MUS81: variants seen among roughly 807,000 people sequenced by gnomAD.
MUS81 encodes structure-specific endonuclease subunit MUS81.
A neutral mutation model predicts 74.2 loss-of-function variants in MUS81; 69 were observed. The observed-to-expected ratio is 0.93, with a 90% CI of 0.77 to 1.14. The LOEUF (loss-of-function observed/expected upper bound fraction) is 1.14. Ranked by LOEUF, MUS81 falls within the 50% of genes most tolerant of loss-of-function variation. MUS81 has a pLI of 0.00. For missense variants in MUS81, 711 were observed against 726.5 expected (o/e 0.98, Z 0.25); for synonymous variants, 303 against 300.6 (o/e 1.01, Z -0.08).
At chr11:65,864,934 C>G in intron 12 of MUS81, 83 bp from the exon 13 acceptor site, 1 of 1,587,120 alleles carries the variant, frequency 6.3e-7, no homozygotes. Flanking sequence ...TCAGGCTGGC[C>G]CCCCAAGGCT....
chr11:65,861,304 C>T (rs1423185949), intron 2 of MUS81, 46 bp from the exon 3 acceptor site: 3 of 1,556,028 alleles, frequency 1.9e-6, no homozygotes, highest in Non-Finnish European at 2.6e-6. Context: ...ATCCTCGCAG[C>T]TGCCGGATTC....
upstream of MUS81, chr11:65,860,322 G>A (rs1320094972): frequency 4.3e-6 from 2 of 465,290 alleles, no homozygotes; most frequent in Admixed American, 2.3e-5. Context: ...CCTTAGAGCC[G>A]CCAAGCTCAG....
At position 65,866,314 on chromosome 11, in the gene MUS81, G is replaced by A. The variant is rs1284922576; in HGVS notation, c.*262G>A. Reference sequence around the variant, plus strand: ...GGAGTCAGTGGGGCATTGCAGCTTGGAATCTATTTTATGTCACCAGTTGGT... The same window carrying A: ...GGAGTCAGTGGGGCATTGCAGCTTGAAATCTATTTTATGTCACCAGTTGGT... On this transcript the variant is annotated 3_prime_UTR_variant, in exon 16 of 16. Coordinates refer to ENST00000308110, the MANE Select transcript of MUS81 (RefSeq NM_025128.5). The A allele has an allele frequency of 3.3e-6, 2 of 599,196 alleles. No homozygotes were observed. The highest frequency in any genetic ancestry group is 5.9e-6 in the Non-Finnish European group (2 of 339,740). 37.1% of individuals were successfully genotyped at this position (599,196 alleles called of 1,614,324 possible).
rs370018326 is a variant in MUS81, at chr11:65,865,880, T to C, written c.1575T>C (p.Cys525=). Residue 525 remains cysteine (C), a synonymous_variant, in exon 15 of 16, where the codon TGT becomes TGC. Transcript: ENST00000308110. ...AGACACTGCTGAGCACCATTAAGTG[T>C]GGGCGTCTACAGAGGTGAGGGCAAG... ...EQETLLSTIK[C]GRLQRNLGPA... The C allele has an allele frequency of 1.4e-5, 22 of 1,614,078 alleles. No individual in the cohort carries two copies. In the African/African-American group the frequency reaches 2.9e-4, roughly 22 times the overall value.
intron 6 of MUS81, 99 bp downstream of exon 6, chr11:65,862,628 G>GA: frequency 9.3e-7 from 1 of 1,080,460 alleles, no homozygotes; most frequent in Non-Finnish European, 1.3e-6. Flanking sequence ...TGTTGAGATT[G>GA]GGGGGGGTGG....
chr11:65,860,563 T>A lies in MUS81; in HGVS notation c.-191T>A. 1 of 695,548 alleles carries A rather than the reference T, an allele frequency of 1.4e-6. No individual in the cohort carries two copies. Among genetic ancestry groups the A allele is most frequent in the Non-Finnish European group, 2.4e-6 (1 of 412,108 alleles). The allele number at this position is 695,548 out of a possible 1,614,324, so 43.1% of individuals were successfully genotyped here. A position where few individuals can be genotyped will look rare whatever the true frequency, so the allele number is the denominator to read the frequency against. ...CCAACCACTTAGAGCAGCGCAGGGG[T>A]GGGAGGGCGGCCGCAGGCTCTCCTC... is the stretch of plus-strand genomic sequence containing the variant. On this transcript the variant is annotated 5_prime_UTR_variant, in exon 1 of 16. Coordinates refer to ENST00000308110, the MANE Select transcript of MUS81 (RefSeq NM_025128.5).
At position 65,860,900 on chromosome 11, in the gene MUS81, C is replaced by G; in HGVS notation, c.135+12C>G. The G allele has an allele frequency of 6.3e-7, 1 of 1,599,906 alleles. No individual in the cohort carries two copies. Among genetic ancestry groups the G allele is most frequent in the Non-Finnish European group, 8.5e-7 (1 of 1,174,750 alleles). On this transcript the variant is annotated intron_variant, in intron 1 of 15. Coordinates refer to ENST00000308110, the MANE Select transcript of MUS81 (RefSeq NM_025128.5). ...TCGTATTTCAGAAGGTGGGTCCTGGCGTGGCCCGATGGGAAAAGCTGCTGG... is the reference window on the plus strand; with the variant it reads ...TCGTATTTCAGAAGGTGGGTCCTGGGGTGGCCCGATGGGAAAAGCTGCTGG...
downstream of MUS81, chr11:65,866,834 CCCTT>C: frequency 6.5e-7 from 1 of 1,548,878 alleles, no homozygotes; most frequent in Non-Finnish European, 8.9e-7. Flanking sequence ...CTTTCTTTCT[CCCTT>C]TATTGCCTTT....
At position 65,865,738 on chromosome 11, in the gene MUS81, T is replaced by A. The variant is rs1210772529; in HGVS notation, c.1506-73T>A. ...CTCTTCCATCCCATGCTGACCCCTC[T>A]GCCTGGCCCCTCATGGTGCTGGCCC... On this transcript the variant is annotated intron_variant, in intron 14 of 15. Transcript: ENST00000308110. 11 of 1,469,772 alleles carry A rather than the reference T, an allele frequency of 7.5e-6. No homozygotes were observed. In the East Asian group the frequency reaches 2.5e-4, roughly 33 times the overall value. 91.0% of individuals were successfully genotyped at this position (1,469,772 alleles called of 1,614,324 possible).
intron 6 of MUS81, 98 bp downstream of exon 6, chr11:65,862,627 TG>T (rs3216088): frequency 2.8e-6 from 3 of 1,066,370 alleles, no homozygotes; most frequent in Middle Eastern, 2.0e-4. Context: ...CTGTTGAGAT[TG>T]GGGGGGGTGG....
upstream of MUS81, chr11:65,860,060 A>C: frequency 3.6e-6 from 1 of 278,602 alleles, no homozygotes; most frequent in Admixed American, 3.8e-5. Context: ...CACGTCCCCG[A>C]CTTCCTCTCC....
At position 65,862,411 on chromosome 11, in the gene MUS81, G is replaced by C. The variant is rs1859641802; in HGVS notation, c.520-33G>C. On this transcript the variant is annotated intron_variant, in intron 5 of 15. Transcript: ENST00000308110. ...GAACATGGACTTGTGGTGGTACCAG[G>C]TGCTCTCTGAGGGTCTCTTTTCTGA... 2 of 1,601,478 alleles carry C rather than the reference G, an allele frequency of 1.2e-6. 1 individual carries two copies. Among genetic ancestry groups the C allele is most frequent in the Middle Eastern group, 3.3e-4 (2 of 6,028 alleles).
chr11:65,859,725 T>C (rs1859507394), upstream of MUS81, among the ~76,000 whole-genome samples: 2 of 152,220 alleles, frequency 1.3e-5, no homozygotes, highest in South Asian at 4.1e-4. Context: ...GGGTGCTGCT[T>C]CAAACCCTGG....
Position 65,860,713 on chromosome 11 carries a change from T to C in MUS81, c.-41T>C. On this transcript the variant is annotated 5_prime_UTR_variant, in exon 1 of 16. Transcript: ENST00000308110. ...GACTCCAGAACTGGCGGCGTCCCAG[T>C]CCCGCGGGCGTGGAGCGCCGGAGGA... 2 of 1,532,570 alleles carry C rather than the reference T, an allele frequency of 1.3e-6. No homozygotes were observed. The highest frequency in any genetic ancestry group is 1.2e-5 in the South Asian group (1 of 83,904). 94.9% of individuals were successfully genotyped at this position (1,532,570 alleles called of 1,614,324 possible).
downstream of MUS81, chr11:65,866,876 TC>T (rs761527042): frequency 1.2e-6 from 2 of 1,612,290 alleles, no homozygotes; most frequent in Non-Finnish European, 1.7e-6. Context: ...AACAGGCTCC[TC>T]AGCTAGGGTA....
Position 65,866,039 on chromosome 11 carries a change from G to A in MUS81, c.1643G>A (p.Gly548Asp). The change falls in exon 16 of 16, where the codon GGC becomes GAC. Residue 548 changes from glycine to aspartate, a missense_variant. By Grantham distance (94) the Gly-to-Asp change is moderately conservative. Transcript: ENST00000308110. Reference sequence around the variant, plus strand: ...TTATCCCAGCTCTACTGCAGCTACGGCCCCTTGACCTGAGCTTATGCCGTG... The same window carrying A: ...TTATCCCAGCTCTACTGCAGCTACGACCCCTTGACCTGAGCTTATGCCGTG... The part of the protein sequence containing the change: ...RTLSQLYCSY[G>D]PLT 1 of 1,613,912 alleles carries A rather than the reference G, an allele frequency of 6.2e-7. No homozygotes were observed. Among genetic ancestry groups the A allele is most frequent in the Non-Finnish European group, 8.5e-7 (1 of 1,179,942 alleles).
rs1022968059 is a variant in MUS81, at chr11:65,862,423, G to A, written c.520-21G>A. On this transcript the variant is annotated intron_variant, in intron 5 of 15. Transcript: ENST00000308110. ...GTGGTGGTACCAGGTGCTCTCTGAG[G>A]GTCTCTTTTCTGATCCACAGGTAGC... 11 of 1,608,442 alleles carry A rather than the reference G, an allele frequency of 6.8e-6. No homozygotes were observed. The Admixed American group carries it at 1.8e-4, about 27-fold the overall frequency.
rs746515461 is a variant in MUS81, at chr11:65,864,761, G to A, written c.1218G>A (p.Lys406=). Reference sequence around the variant, plus strand: ...TTGTGAAGCGCACAGCAGACATTAAGGAGTCAGCCGCCTACCTGGCCCTCT... The same window carrying A: ...TTGTGAAGCGCACAGCAGACATTAAAGAGTCAGCCGCCTACCTGGCCCTCT... ...GFFVKRTADI[K]ESAAYLALLT... is the part of the protein sequence containing the mutation. Residue 406 remains lysine, a synonymous_variant, in exon 12 of 16, where the codon AAG becomes AAA. Transcript: ENST00000308110. The A allele has an allele frequency of 4.5e-5, 73 of 1,613,888 alleles. No homozygotes were observed. In the East Asian group the frequency reaches 1.6e-3, roughly 36 times the overall value.
At chr11:65,866,792 G>T, downstream of MUS81, 3 of 1,239,170 alleles carry the variant, frequency 2.4e-6, no homozygotes, top group Non-Finnish European at 2.3e-6. Flanking sequence ...GAGGCTTCCT[G>T]CAGTGTGACC....
Sources: gnomAD v4.1 joint callset for allele counts (sites outside exome capture counted in the v4.1 genomes callset) on GRCh38, gnomAD v4.1.1 for gene constraint, MANE v1.5 for transcripts, NCBI Gene and HGNC (gene_info 2026-07-23, HGNC 2026-07-21) for gene names.